Variants in HAPSTR1 observed in about 807,000 individuals in gnomAD.
The protein encoded by HAPSTR1 is HUWE1-associated protein modifying stress responses 1.
the HAPSTR1 span, chr16:9,103,094 C>G: frequency 6.2e-7 from 1 of 1,614,120 alleles, no homozygotes; most frequent in Non-Finnish European, 8.5e-7. Context: ...AACTATTCGT[C>G]GAGAAGATTT....
chr16:9,091,717 C>T, the HAPSTR1 span: 7 of 399,612 alleles, frequency 1.8e-5, no homozygotes, highest in Non-Finnish European at 2.6e-5. Flanking sequence ...GCGGCGGCGG[C>T]AGTGGGGAGG....
the HAPSTR1 span, chr16:9,102,959 TTTTC>T: frequency 3.4e-5 from 55 of 1,607,718 alleles, no homozygotes; most frequent in Non-Finnish European, 4.5e-5. Context: ...ATGATACATG[TTTTC>T]TTTTTCTTTT....
At chr16:9,098,659 C>G in the HAPSTR1 span, among the ~76,000 whole-genome samples, 7 of 152,168 alleles carry the variant, frequency 4.6e-5, no homozygotes, top group Non-Finnish European at 1.5e-5. Flanking sequence ...TGCCTCTACC[C>G]TTCCTCCCAA....
chr16:9,099,262 A>G, the HAPSTR1 span, among the ~76,000 whole-genome samples: 2 of 151,690 alleles, frequency 1.3e-5, no homozygotes, highest in African/African-American at 2.4e-5. Flanking sequence ...CCATGGTGCA[A>G]TCTTGGCTCA....
chr16:9,110,258 T>G, the HAPSTR1 span: 1 of 152,040 alleles, frequency 6.6e-6, no homozygotes, highest in Non-Finnish European at 1.5e-5. Flanking sequence ...TTCTTGGATT[T>G]GGAGAAACTG....
the HAPSTR1 span, chr16:9,112,442 GGT>G: frequency 1.3e-4 from 20 of 152,194 alleles, no homozygotes; most frequent in Admixed American, 6.5e-5. Context: ...GTGGATCAAC[GGT>G]GTCTTCTCAC....
chr16:9,109,106 A>G, the HAPSTR1 span: 10 of 152,348 alleles, frequency 6.6e-5, no homozygotes, highest in East Asian at 1.9e-3. Flanking sequence ...CAGATCATTT[A>G]GAACTTTGAC....
At chr16:9,114,709 C>G in the HAPSTR1 span, among the ~76,000 whole-genome samples, 2 of 152,266 alleles carry the variant, frequency 1.3e-5, no homozygotes, top group African/African-American at 4.8e-5. Context: ...CTAAAATACT[C>G]TAGGCTTGGA....
the HAPSTR1 span, chr16:9,113,201 TTAA>T: frequency 2.6e-5 from 4 of 152,328 alleles, no homozygotes; most frequent in African/African-American, 9.6e-5. Context: ...GTTGTTAATC[TTAA>T]TTATTTTTGA....
chr16:9,100,105 A>C, the HAPSTR1 span, among the ~76,000 whole-genome samples: 1 of 152,144 alleles, frequency 6.6e-6, no homozygotes, highest in Non-Finnish European at 1.5e-5. Flanking sequence ...CTCCTCTAGG[A>C]CCTTCTAGTC....
the HAPSTR1 span, among the ~76,000 whole-genome samples, chr16:9,113,595 T>G: frequency 1.3e-5 from 2 of 152,204 alleles, no homozygotes; most frequent in African/African-American, 4.8e-5. Flanking sequence ...TTTTATAATT[T>G]GAAATGATAA....
chr16:9,113,987 C>A, the HAPSTR1 span, among the ~76,000 whole-genome samples: 1 of 152,086 alleles, frequency 6.6e-6, no homozygotes, highest in Non-Finnish European at 1.5e-5. Context: ...AAGTATTATT[C>A]TTTTTCAGAA....
chr16:9,110,026 CTAA>C, the HAPSTR1 span: 2 of 152,068 alleles, frequency 1.3e-5, no homozygotes, highest in Non-Finnish European at 2.9e-5. Flanking sequence ...AACAAAAAAG[CTAA>C]TAATCTCCTC....
chr16:9,091,680 G>A, the HAPSTR1 span: 1 of 399,134 alleles, frequency 2.5e-6, no homozygotes, highest in East Asian at 3.6e-5. Context: ...TGCAGGCCGA[G>A]CTGCGCGGAG....
chr16:9,100,380 A>G, the HAPSTR1 span, among the ~76,000 whole-genome samples: 2 of 151,972 alleles, frequency 1.3e-5, no homozygotes, highest in African/African-American at 2.4e-5. Context: ...GTCTTCAATC[A>G]AAACAACCCA....
chr16:9,105,394 A>C, the HAPSTR1 span: 2 of 152,266 alleles, frequency 1.3e-5, no homozygotes, highest in African/African-American at 4.8e-5. Context: ...GTGGTGAAGT[A>C]ATAGGGCCCC....
the HAPSTR1 span, among the ~76,000 whole-genome samples, chr16:9,101,034 G>C: frequency 6.6e-6 from 1 of 152,178 alleles, no homozygotes; most frequent in African/African-American, 2.4e-5. Context: ...TTCTAGGTAG[G>C]ATAGGTTTAA....
At chr16:9,112,083 A>T in the HAPSTR1 span, 1 of 152,226 alleles carries the variant, frequency 6.6e-6, no homozygotes, top group Admixed American at 6.5e-5. Context: ...TTTCAATAAA[A>T]ATTCAGTATT....
chr16:9,092,669 C>T, the HAPSTR1 span, among the ~76,000 whole-genome samples: 1 of 152,162 alleles, frequency 6.6e-6, no homozygotes. Context: ...GGGCGCTTCC[C>T]TGCGCCGCGG....
Sources: gnomAD v4.1 joint callset for allele counts (sites outside exome capture counted in the v4.1 genomes callset) on GRCh38, gnomAD v4.1.1 for gene constraint, MANE v1.5 for transcripts, NCBI Gene and HGNC (gene_info 2026-07-23, HGNC 2026-07-21) for gene names.